NIN: variants seen among roughly 807,000 people sequenced by gnomAD.
NIN encodes ninein, also known as glycogen synthase kinase 3 beta-interacting protein.
A neutral mutation model predicts 257.6 loss-of-function variants in NIN; 137 were observed. The observed-to-expected ratio is 0.53, with a 90% CI of 0.46 to 0.61. The LOEUF (loss-of-function observed/expected upper bound fraction) is 0.61, where lower values mean the gene tolerates loss of function less well. NIN is among the 20% of genes least tolerant of loss of function. NIN has a pLI of 0.00. For synonymous variants in NIN, 918 were observed against 919.8 expected (o/e 1.00, Z 0.04); for missense variants, 2,439 against 2,501.2 (o/e 0.98, Z 0.53).
chr14:50,785,309 C>A (rs540850640), intron 5 of NIN, among the ~76,000 whole-genome samples: 189 of 152,356 alleles, frequency 1.2e-3, no homozygotes, highest in Non-Finnish European at 2.1e-3. Flanking sequence ...CCCACAATAG[C>A]CCAGCCGCCA....
At chr14:50,724,840 G>A (rs1042958727) in intron 30 of NIN, among the ~76,000 whole-genome samples, 3 of 152,148 alleles carry the variant, frequency 2.0e-5, no homozygotes, top group Admixed American at 6.5e-5. Context: ...AGCTTCAGAG[G>A]TCTTCAGGAA....
At chr14:50,802,469 C>T (rs2044141928) in intron 4 of NIN, among the ~76,000 whole-genome samples, 2 of 152,152 alleles carry the variant, frequency 1.3e-5, no homozygotes, top group African/African-American at 4.8e-5. Context: ...AATTTCATCT[C>T]CTCTCAAATC....
intron 4 of NIN, among the ~76,000 whole-genome samples, chr14:50,800,007 TACACACACACACACACACAC>T (rs71118902): frequency 4.7e-5 from 7 of 148,148 alleles, no homozygotes; most frequent in African/African-American, 1.0e-4. Context: ...TATATACACA[TACACACACACACACACACAC>T]ACACACACAC....
chr14:50,814,075 T>C (rs1048569940), intron 3 of NIN, among the ~76,000 whole-genome samples: 1 of 152,130 alleles, frequency 6.6e-6, no homozygotes, highest in Non-Finnish European at 1.5e-5. Context: ...GTTAACTTCA[T>C]ATTATTATAT....
intron 5 of NIN, among the ~76,000 whole-genome samples, chr14:50,790,540 G>A (rs992166805): frequency 6.6e-6 from 1 of 152,176 alleles, no homozygotes; most frequent in Non-Finnish European, 1.5e-5. Context: ...TCTGGTGTGG[G>A]ATATAACAGA....
chr14:50,778,358 G>A (rs2042999737), intron 6 of NIN, among the ~76,000 whole-genome samples: 1 of 151,972 alleles, frequency 6.6e-6, no homozygotes, highest in Admixed American at 6.6e-5. Context: ...TAGTAGAGAC[G>A]GGGTATGCCA....
chr14:50,757,691 A>G lies in NIN; in HGVS notation c.3339T>C (p.Thr1113=). Residue 1113 remains threonine (T), a synonymous_variant, in exon 18 of 31, where the codon ACT becomes ACC. Coordinates refer to ENST00000530997, the MANE Select transcript of NIN (RefSeq NM_020921.4). Reference sequence around the variant, plus strand: ...GTTCCGCAGTATTTCCAAAAAACTCAGTAGCTGGCTCATCCAAACAAGAAG... The same window carrying G: ...GTTCCGCAGTATTTCCAAAAAACTCGGTAGCTGGCTCATCCAAACAAGAAG... ...VMSSCLDEPA[T]EFFGNTAEQT... 3.1e-6 allele frequency: 5 copies of G among 1,614,214 alleles called. No individual in the cohort carries two copies. The highest frequency in any genetic ancestry group is 4.2e-6 in the Non-Finnish European group (5 of 1,180,038).
rs1194457675 is a variant in NIN, at chr14:50,794,442, T to G, written c.266-1561A>C. 4 of 988,938 alleles carry G rather than the reference T, an allele frequency of 4.0e-6. No homozygotes were observed. In the African/African-American group the frequency reaches 7.0e-5, roughly 17 times the overall value. 61.3% of individuals were successfully genotyped at this position (988,938 alleles called of 1,614,324 possible). Reference sequence around the variant, plus strand: ...CATGCATATTTGAAGGTACCTTTTATCAGAAGACAGTGTGTCAGCTTGTGA... The same window carrying G: ...CATGCATATTTGAAGGTACCTTTTAGCAGAAGACAGTGTGTCAGCTTGTGA... On this transcript the variant is annotated intron_variant, in intron 4 of 30. Coordinates refer to ENST00000530997, the MANE Select transcript of NIN (RefSeq NM_020921.4).
chr14:50,778,736 A>C (rs768026721), intron 6 of NIN, 29 bp downstream of exon 6: 1 of 1,612,124 alleles, frequency 6.2e-7, no homozygotes, highest in South Asian at 1.1e-5. Flanking sequence ...CTTCCCTTCC[A>C]GGCACGTCCT....
chr14:50,797,170 T>C (rs2142074984), intron 4 of NIN, among the ~76,000 whole-genome samples: 1 of 152,366 alleles, frequency 6.6e-6, no homozygotes, highest in African/African-American at 2.4e-5. Flanking sequence ...ACACCTGCCA[T>C]AGGCAAAACA....
Position 50,746,729 on chromosome 14 carries a change from T to C in NIN, c.5064+1263A>G, listed in dbSNP as rs114379740. ...GATTGTTCCAATTGAAAGACTCCTG[T>C]AAATACTGAAAACAGGACAATGTTT... is the stretch of plus-strand genomic sequence containing the variant. On this transcript the variant is annotated intron_variant, in intron 22 of 30. Coordinates refer to ENST00000530997, the MANE Select transcript of NIN (RefSeq NM_020921.4). 6.9e-3 allele frequency among the ~76,000 whole-genome samples: 1,052 copies of C among 152,380 alleles called. 15 individuals carry two copies. Among genetic ancestry groups the C allele is most frequent in the African/African-American group, 0.023 (970 of 41,594 alleles).
intron 3 of NIN, among the ~76,000 whole-genome samples, chr14:50,811,834 A>G (rs929750442): frequency 2.6e-5 from 4 of 152,072 alleles, no homozygotes; most frequent in African/African-American, 9.7e-5. Flanking sequence ...CTCTATTAAA[A>G]ATACAAAAAA....
intron 5 of NIN, among the ~76,000 whole-genome samples, chr14:50,787,281 T>A (rs2043387372): frequency 6.6e-6 from 1 of 152,224 alleles, no homozygotes; most frequent in African/African-American, 2.4e-5. Context: ...CTGCCCCAAT[T>A]GTATTAATTG....
chr14:50,752,454 C>G, intron 21 of NIN, 64 bp downstream of exon 21: 1 of 1,264,230 alleles, frequency 7.9e-7, no homozygotes. Context: ...AAGTTTAATA[C>G]AAACATTTCT....
intron 22 of NIN, 28 bp from the exon 23 acceptor site, chr14:50,744,393 C>A: frequency 6.2e-7 from 1 of 1,610,400 alleles, no homozygotes; most frequent in South Asian, 1.1e-5. Flanking sequence ...ATGAGCCCTC[C>A]CATCACATCT....
chr14:50,763,742 C>T, intron 15 of NIN, 84 bp downstream of exon 15: 3 of 1,205,588 alleles, frequency 2.5e-6, no homozygotes, highest in Non-Finnish European at 1.2e-6. Flanking sequence ...TTTCAAGTTG[C>T]CAAAGCTTTG....
At chr14:50,754,479 C>G (rs942169487) in intron 20 of NIN, 84 bp downstream of exon 20, 7 of 1,072,070 alleles carry the variant, frequency 6.5e-6, no homozygotes, top group Non-Finnish European at 9.6e-6. Flanking sequence ...CTATTCATTA[C>G]CGTGTGCTGT....
At chr14:50,811,544 CTTTTTTT>C (rs55734117) in intron 3 of NIN, among the ~76,000 whole-genome samples, 76 of 75,298 alleles carry the variant, frequency 1.0e-3, no homozygotes, top group East Asian at 2.7e-3. Context: ...AATGGTCAAG[CTTTTTTT>C]TTTTTTTTTT....
Position 50,729,607 on chromosome 14 carries a change from T to C in NIN, c.5994A>G (p.Gln1998=), listed in dbSNP as rs762874326. Residue 1998 remains glutamine (Q), a synonymous_variant, in exon 29 of 31, where the codon CAA becomes CAG. Transcript: ENST00000530997. ...MVPREQFLQL[Q]RQLLQAERIN... is the part of the protein sequence containing the mutation. ...TCCTTTCTGCCTGCAGCAGCTGGCG[T>C]TGAAGCTGCAGAAACTGCTCCCTGG... is the stretch of plus-strand genomic sequence containing the variant. The C allele has an allele frequency of 3.0e-5, 49 of 1,613,954 alleles. No homozygotes were observed. Among genetic ancestry groups the C allele is most frequent in the Admixed American group, 5.0e-5 (3 of 59,998 alleles).
Sources: allele counts gnomAD v4.1 joint callset (sites outside exome capture counted in the v4.1 genomes callset), GRCh38; gene constraint gnomAD v4.1.1; transcripts MANE v1.5; gene names NCBI Gene and HGNC (gene_info 2026-07-23, HGNC 2026-07-21).